The following GALNT13 variants were observed in gnomAD, a reference collection of about 807,000 sequenced individuals.
The protein encoded by GALNT13 is polypeptide N-acetylgalactosaminyltransferase 13.
GALNT13 carries 28 observed loss-of-function variants against 64.2 expected under a neutral mutation model. That is an observed-to-expected ratio of 0.44 (90% CI 0.32 to 0.60). The LOEUF (loss-of-function observed/expected upper bound fraction) is 0.60, where lower values mean the gene tolerates loss of function less well. GALNT13 is among the 20% of genes least tolerant of loss of function. The pLI is 0.05. For synonymous variants in GALNT13, 214 were observed against 224.6 expected (o/e 0.95, Z 0.42); for missense variants, 577 against 669.8 (o/e 0.86, Z 1.53).
rs1191264117 is a variant in GALNT13 at position 153,872,628 on chromosome 2, G to GT, written c.-177+325_-177+326insT. Among the ~76,000 whole-genome samples the GT allele has an allele frequency of 1.7e-4, 17 of 99,576 alleles. 1 individual carries two copies. In the South Asian group the frequency reaches 5.6e-3, roughly 33 times the overall value. 65.3% of individuals were successfully genotyped at this position (99,576 alleles called of 152,430 possible). A position where few individuals can be genotyped will look rare whatever the true frequency, so the allele number is the denominator to read the frequency against. ...GGTGAGTTGTTGGTGGCGGGGGGGG[G>GT]GGGGGGAGCGGCTCTGGCCCCCTCT... On this transcript the variant is annotated intron_variant, in intron 1 of 12. Coordinates refer to ENST00000392825, the MANE Select transcript of GALNT13 (RefSeq NM_052917.4).
At chr2:154,328,772 C>T (rs576746008) in intron 9 of GALNT13, among the ~76,000 whole-genome samples, 28 of 152,096 alleles carry the variant, frequency 1.8e-4, no homozygotes, top group Non-Finnish European at 3.4e-4. Flanking sequence ...CTCCTTGCTC[C>T]AACATTTTCT....
chr2:154,162,487 C>T (rs1161571628), intron 4 of GALNT13, among the ~76,000 whole-genome samples: 1 of 152,146 alleles, frequency 6.6e-6, no homozygotes, highest in East Asian at 1.9e-4. Flanking sequence ...ACATGAGATA[C>T]ACATGTTTCA....
intron 9 of GALNT13, among the ~76,000 whole-genome samples, chr2:154,369,475 G>A (rs1244352803): frequency 6.6e-6 from 1 of 152,160 alleles, no homozygotes; most frequent in Admixed American, 6.6e-5. Context: ...TTGCATGTTT[G>A]CTGATACCAT....
rs1027074109 is a variant in GALNT13, at chr2:154,359,765, T to C, written c.1157-36226T>C. On this transcript the variant is annotated intron_variant, in intron 9 of 12. Transcript: ENST00000392825. ...GTGCATGTTGATACTGAAGATGCATTGATTTGTACAAGCCTAGCTTGAAAT... is the reference window on the plus strand; with the variant it reads ...GTGCATGTTGATACTGAAGATGCATCGATTTGTACAAGCCTAGCTTGAAAT... Among the ~76,000 whole-genome samples the C allele has an allele frequency of 3.4e-4, 51 of 152,146 alleles. 1 individual carries two copies. Among genetic ancestry groups the C allele is most frequent in the Admixed American group, 1.4e-3 (21 of 15,250 alleles).
chr2:154,163,237 G>GT (rs1213680050), intron 4 of GALNT13, among the ~76,000 whole-genome samples: 2 of 147,990 alleles, frequency 1.4e-5, no homozygotes, highest in Non-Finnish European at 3.0e-5. Flanking sequence ...GCGGTGTTTG[G>GT]TTTTTTGTCC....
chr2:153,127,877 A>G, the GALNT13 span, among the ~76,000 whole-genome samples: 1 of 152,232 alleles, frequency 6.6e-6, no homozygotes, highest in African/African-American at 2.4e-5. Context: ...AGTTCCTTTG[A>G]CCACTTGAAT....
chr2:153,681,145 A>G, the GALNT13 span, among the ~76,000 whole-genome samples: 4 of 151,926 alleles, frequency 2.6e-5, no homozygotes, highest in African/African-American at 4.8e-5. Flanking sequence ...ACAAGGCTAC[A>G]GAAACATTGT....
chr2:153,477,492 G>T, the GALNT13 span: 1 of 152,510 alleles, frequency 6.6e-6, no homozygotes, highest in Non-Finnish European at 1.5e-5. Context: ...AGGGCCAGCA[G>T]GAACGCTAGA....
At chr2:154,373,000 G>A (rs1174636018) in intron 9 of GALNT13, among the ~76,000 whole-genome samples, 1 of 151,908 alleles carries the variant, frequency 6.6e-6, no homozygotes, top group African/African-American at 2.4e-5. Flanking sequence ...CCTTTTTAAA[G>A]GACACTATTC....
At chr2:154,071,295 C>T (rs1574450028) in intron 3 of GALNT13, among the ~76,000 whole-genome samples, 7 of 152,060 alleles carry the variant, frequency 4.6e-5, no homozygotes, top group South Asian at 4.1e-4. Context: ...AGGGGGTTGA[C>T]GCCATTTAGA....
chr2:153,727,075 A>G, the GALNT13 span, among the ~76,000 whole-genome samples: 1 of 152,170 alleles, frequency 6.6e-6, no homozygotes, highest in Admixed American at 6.5e-5. Context: ...TCACACAGTA[A>G]TATTGAAACC....
chr2:154,115,744 C>G (rs1159930833), intron 3 of GALNT13, among the ~76,000 whole-genome samples: 1 of 152,068 alleles, frequency 6.6e-6, no homozygotes, highest in Non-Finnish European at 1.5e-5. Context: ...TTTTAACTTC[C>G]CGATCTGCAA....
the GALNT13 span, among the ~76,000 whole-genome samples, chr2:153,371,879 A>T: frequency 6.6e-6 from 1 of 152,194 alleles, no homozygotes; most frequent in Non-Finnish European, 1.5e-5. Context: ...TAAAAAGCCC[A>T]CTGAAAGCTT....
At chr2:153,881,569 G>A (rs1397584910) in intron 1 of GALNT13, among the ~76,000 whole-genome samples, 1 of 152,086 alleles carries the variant, frequency 6.6e-6, no homozygotes, top group African/African-American at 2.4e-5. Context: ...GACAACAATA[G>A]GCCCATTTTT....
chr2:154,021,537 T>C (rs1288807453), intron 3 of GALNT13, among the ~76,000 whole-genome samples: 1 of 152,206 alleles, frequency 6.6e-6, no homozygotes. Flanking sequence ...CTTGTGATTT[T>C]TGTATATTGA....
chr2:154,393,224 T>A (rs1698878270), intron 9 of GALNT13, among the ~76,000 whole-genome samples: 1 of 152,168 alleles, frequency 6.6e-6, no homozygotes, highest in African/African-American at 2.4e-5. Flanking sequence ...ATCTGAATAA[T>A]CTAATTCAGG....
At chr2:154,202,816 G>C (rs1687244722) in intron 4 of GALNT13, among the ~76,000 whole-genome samples, 1 of 152,102 alleles carries the variant, frequency 6.6e-6, no homozygotes, top group African/African-American at 2.4e-5. Flanking sequence ...ACTACCATCG[G>C]TGATTCCAAG....
chr2:154,390,785 T>C (rs1698754664), intron 9 of GALNT13, among the ~76,000 whole-genome samples: 1 of 152,234 alleles, frequency 6.6e-6, no homozygotes, highest in South Asian at 2.1e-4. Context: ...TATTTCATTG[T>C]CAAAGCCTTT....
chr2:154,344,013 A>G (rs1695921134), intron 9 of GALNT13, among the ~76,000 whole-genome samples: 1 of 151,902 alleles, frequency 6.6e-6, no homozygotes, highest in African/African-American at 2.4e-5. Flanking sequence ...AATACAGCTC[A>G]AAAGGGACAC....
Sources: allele counts gnomAD v4.1 joint callset (sites outside exome capture counted in the v4.1 genomes callset), GRCh38; gene constraint gnomAD v4.1.1; transcripts MANE v1.5; gene names NCBI Gene and HGNC (gene_info 2026-07-23, HGNC 2026-07-21).